The following SUGP1 variants were observed in gnomAD, a reference collection of about 807,000 sequenced individuals.
SUGP1 encodes SURP and G-patch domain-containing protein 1.
A neutral mutation model predicts 76.5 loss-of-function variants in SUGP1; 34 were observed. That is an observed-to-expected ratio of 0.44 (90% CI 0.34 to 0.59). SUGP1 has a LOEUF of 0.59. Among genes scored for constraint, SUGP1 ranks in the 20% least tolerant of loss-of-function variants. The pLI is 0.01. For synonymous variants in SUGP1, 326 were observed against 326.2 expected, an observed-to-expected ratio of 1.00 and a Z score of 0.01; for missense variants, 752 against 851.7, an observed-to-expected ratio of 0.88 and a Z score of 1.46.
Position 19,294,657 on chromosome 19 carries a change from CA to C in SUGP1, c.1243+2331del, listed in dbSNP as rs577497168. 3.9e-5 allele frequency among the ~76,000 whole-genome samples: 6 copies of C among 151,988 alleles called. No individual in the cohort carries two copies. The South Asian group carries it at 1.0e-3, about 26-fold the overall frequency. On this transcript the variant is annotated intron_variant, in intron 8 of 13. Coordinates refer to ENST00000247001, the MANE Select transcript of SUGP1 (RefSeq NM_172231.4). ...AAAATGACACCAAAAGCATAAACCACAGAAGAAAAAATAGATACATTTGACT... is the reference window on the plus strand; with the variant it reads ...AAAATGACACCAAAAGCATAAACCACGAAGAAAAAATAGATACATTTGACT...
At chr19:19,313,966 C>G (rs1274989426) in intron 2 of SUGP1, among the ~76,000 whole-genome samples, 1 of 151,994 alleles carries the variant, frequency 6.6e-6, no homozygotes, top group Non-Finnish European at 1.5e-5. Flanking sequence ...TGATGAAACC[C>G]CATCTCTACT....
rs532954765 is a variant in SUGP1 at position 19,286,783 on chromosome 19, C to A, written c.1244-6492G>T. ...GTCTGGCCAGGCGCAGCGGGTCATG[C>A]CTACAATCCCAGCACTTCGGAAGCC... is the stretch of plus-strand genomic sequence containing the variant. On this transcript the variant is annotated intron_variant, in intron 8 of 13. Transcript: ENST00000247001. Among the ~76,000 whole-genome samples the A allele has an allele frequency of 2.7e-4, 41 of 152,272 alleles. No homozygotes were observed. In the South Asian group the frequency reaches 8.1e-3, roughly 30 times the overall value.
intron 8 of SUGP1, among the ~76,000 whole-genome samples, chr19:19,294,091 G>A (rs2061206375): frequency 6.6e-6 from 1 of 152,108 alleles, no homozygotes; most frequent in African/African-American, 2.4e-5. Context: ...GGAGACTGGG[G>A]CAGGAGAATC....
chr19:19,313,406 A>G (rs1273277376), intron 2 of SUGP1, among the ~76,000 whole-genome samples: 3 of 152,156 alleles, frequency 2.0e-5, no homozygotes, highest in African/African-American at 7.2e-5. Flanking sequence ...AATATAAAAA[A>G]AAATTGTTAG....
intron 3 of SUGP1, among the ~76,000 whole-genome samples, chr19:19,309,875 G>A (rs1568634538): frequency 6.6e-6 from 1 of 152,168 alleles, no homozygotes; most frequent in South Asian, 2.1e-4. Flanking sequence ...TCGCGCCACC[G>A]CACTCCAGCC....
rs1435988714 is a variant in SUGP1, at chr19:19,303,842, G to A, written c.544C>T (p.Pro182Ser). Reference protein sequence around the residue: ...YEQWLEIKVSPPEGAETRKVI... With the variant: ...YEQWLEIKVSSPEGAETRKVI... ...TTCCGAGTCTCGGCTCCCTCTGGGG[G>A]TGAAACTTTAAGGAGGCTGTCAGTA... is the stretch of plus-strand genomic sequence containing the variant. The change falls in exon 5 of 14, where the codon CCC becomes TCC. Residue 182 changes from proline to serine, a missense_variant. Pro to Ser is a moderately conservative substitution (Grantham distance 74, BLOSUM62 -1). Around this residue, in one of 2 missense-constraint regions of SUGP1, gnomAD observed 620 missense variants for 617.3 expected, o/e 1.00. Coordinates refer to ENST00000247001, the MANE Select transcript of SUGP1 (RefSeq NM_172231.4). The A allele has an allele frequency of 3.7e-6, 6 of 1,614,074 alleles. No individual in the cohort carries two copies. The highest frequency in any genetic ancestry group is 1.7e-5 in the Admixed American group (1 of 60,016).
Position 19,306,298 on chromosome 19 carries a change from C to G in SUGP1, c.311-222G>C, listed in dbSNP as rs568144890. Among the ~76,000 whole-genome samples, 98 of 152,302 alleles carry G rather than the reference C, an allele frequency of 6.4e-4. 1 individual carries two copies. The highest frequency in any genetic ancestry group is 2.4e-3 in the African/African-American group (98 of 41,578). ...GCCAGAAAAGCAGCAGCCTGGGGCT[C>G]TGAAGTGGGCCGCTGTGGCTGGAGG... is the stretch of plus-strand genomic sequence containing the variant. On this transcript the variant is annotated intron_variant, in intron 3 of 13. Transcript: ENST00000247001.
intron 6 of SUGP1, among the ~76,000 whole-genome samples, chr19:19,302,782 C>T (rs1240044397): frequency 6.6e-6 from 1 of 152,190 alleles, no homozygotes; most frequent in Non-Finnish European, 1.5e-5. Context: ...GAACAAACCT[C>T]TGCAGCCTGC....
chr19:19,276,934 A>T lies in SUGP1; in HGVS notation c.1911+13T>A, dbSNP rs2074550. 1.4e-3 allele frequency: 2,188 copies of T among 1,612,316 alleles called. 11 individuals carry two copies. Among genetic ancestry groups the T allele is most frequent in the Middle Eastern group, 9.9e-4 (6 of 6,050 alleles). ...GTCGACTGAGCAAAGGCAGCCCAGG[A>T]GGACATGCGTACCAGGGGGTTGGGC... On this transcript the variant is annotated intron_variant, in intron 13 of 13. Transcript: ENST00000247001.
In SUGP1 at chr19:19,311,746, A is replaced by G. The variant is rs1599870798; in HGVS notation, c.207-1546T>C. 3.3e-5 allele frequency among the ~76,000 whole-genome samples: 5 copies of G among 150,418 alleles called. 1 individual carries two copies. The highest frequency in any genetic ancestry group is 2.1e-4 in the South Asian group (1 of 4,772). ...TGTCTCAAAAAAAAAAAAAAAAAAA[A>G]AAAGAAATGTATGATGCCCAAAGAA... On this transcript the variant is annotated intron_variant, in intron 2 of 13. Transcript: ENST00000247001.
At chr19:19,317,644 A>G (rs928804713) in intron 1 of SUGP1, among the ~76,000 whole-genome samples, 4 of 151,966 alleles carry the variant, frequency 2.6e-5, no homozygotes, top group African/African-American at 9.7e-5. Flanking sequence ...CAGCCTCCCA[A>G]ATAGCTTGGA....
At chr19:19,292,051 T>A (rs768868403) in intron 8 of SUGP1, among the ~76,000 whole-genome samples, 33 of 151,908 alleles carry the variant, frequency 2.2e-4, no homozygotes, top group Non-Finnish European at 4.0e-4. Flanking sequence ...GGTGGGCAGA[T>A]CACTTGAGGT....
chr19:19,302,462 G>A lies in SUGP1; in HGVS notation c.764-74C>T, dbSNP rs750492456. ...CTAATTTCTGCTAAGAACCCCAAGGGCAACAAGTGGGGTTTGTTTTAGGAA... is the reference window on the plus strand; with the variant it reads ...CTAATTTCTGCTAAGAACCCCAAGGACAACAAGTGGGGTTTGTTTTAGGAA... On this transcript the variant is annotated intron_variant, in intron 6 of 13. Transcript: ENST00000247001. 2.6e-6 allele frequency: 4 copies of A among 1,566,104 alleles called. No homozygotes were observed. In the Admixed American group the frequency reaches 5.5e-5, roughly 22 times the overall value.
intron 7 of SUGP1, among the ~76,000 whole-genome samples, chr19:19,300,637 G>A (rs140316644): frequency 3.0e-4 from 45 of 152,284 alleles, no homozygotes; most frequent in African/African-American, 1.0e-3. Context: ...ATACCTGGTC[G>A]TCCCCCCGAC....
chr19:19,310,874 C>T (rs558391609), intron 2 of SUGP1, among the ~76,000 whole-genome samples: 2 of 152,154 alleles, frequency 1.3e-5, no homozygotes, highest in South Asian at 2.1e-4. Flanking sequence ...AACTTCTAAC[C>T]TCAAGCCATC....
In SUGP1 at chr19:19,305,962, G is replaced by C; in HGVS notation, c.425C>G (p.Pro142Arg). ...CTTGGCGTGGGAGTAGCTCTTCACAGGGCCCGGCAGGCTGGCCAGCCCCAG... is the reference window on the plus strand; with the variant it reads ...CTTGGCGTGGGAGTAGCTCTTCACACGGCCCGGCAGGCTGGCCAGCCCCAG... Reference protein sequence around the residue: ...TGLGLASLPGPVKSYSHAKQL... With the variant: ...TGLGLASLPGRVKSYSHAKQL... Residue 142 changes from proline (P) to arginine (R), a missense_variant, in exon 4 of 14, where the codon CCT becomes CGT. By Grantham distance (103) the Pro-to-Arg change is moderately radical (BLOSUM62 -2). This residue lies in a region of SUGP1 where 620 missense variants were observed against 617.3 expected (regional missense o/e 1.00). Coordinates refer to ENST00000247001, the MANE Select transcript of SUGP1 (RefSeq NM_172231.4). 1 of 1,612,490 alleles carries C rather than the reference G, an allele frequency of 6.2e-7. No homozygotes were observed. Among genetic ancestry groups the C allele is most frequent in the Non-Finnish European group, 8.5e-7 (1 of 1,179,874 alleles).
intron 11 of SUGP1, 137 bp downstream of exon 11, chr19:19,278,553 C>G (rs998893325): frequency 1.5e-6 from 1 of 684,832 alleles, no homozygotes. Flanking sequence ...TTAACAGATG[C>G]CTCCTGCAGC....
Position 19,305,972 on chromosome 19 carries a change from G to A in SUGP1, c.415C>T (p.Leu139=). 2 of 1,612,190 alleles carry A rather than the reference G, an allele frequency of 1.2e-6. No individual in the cohort carries two copies. The highest frequency in any genetic ancestry group is 1.7e-6 in the Non-Finnish European group (2 of 1,179,824). The part of the protein sequence containing the change: ...SRRTGLGLAS[L]PGPVKSYSHA... ...GAGTAGCTCTTCACAGGGCCCGGCA[G>A]GCTGGCCAGCCCCAGGCCTGTCCGC... The change falls in exon 4 of 14, where the codon CTG becomes TTG. Residue 139 remains leucine, a synonymous_variant. Transcript: ENST00000247001.
intron 5 of SUGP1, 61 bp from the exon 6 acceptor site, chr19:19,303,509 C>T: frequency 6.7e-7 from 1 of 1,498,320 alleles, no homozygotes; most frequent in South Asian, 1.1e-5. Context: ...AGGCATATCC[C>T]TGCAGCTTCT....
Sources: allele counts gnomAD v4.1 joint callset (sites outside exome capture counted in the v4.1 genomes callset), GRCh38; gene constraint gnomAD v4.1.1; regional missense constraint gnomAD v4.1.1; transcripts MANE v1.5; gene names NCBI Gene and HGNC (gene_info 2026-07-23, HGNC 2026-07-21).